PFKFB3: variants seen among roughly 807,000 people sequenced by gnomAD.
PFKFB3 encodes 6-phosphofructo-2-kinase/fructose-2,6-bisphosphatase 3.
A neutral mutation model predicts 68.0 loss-of-function variants in PFKFB3; 33 were observed. The observed-to-expected ratio is 0.49, with a 90% CI of 0.37 to 0.65. PFKFB3 has a LOEUF of 0.65. PFKFB3 is among the 30% of genes least tolerant of loss of function. The probability of loss-of-function intolerance (pLI) is 0.00; values close to 1 mark genes in which losing one functional copy is unlikely to be tolerated. For missense variants in PFKFB3, 586 were observed against 712.2 expected, an observed-to-expected ratio of 0.82 and a Z score of 2.02; for synonymous variants, 315 against 288.2, an observed-to-expected ratio of 1.09 and a Z score of -0.94.
chr10:6,319,207 A>C, the PFKFB3 span, among the ~76,000 whole-genome samples: 1 of 152,192 alleles, frequency 6.6e-6, no homozygotes, highest in Non-Finnish European at 1.5e-5. Context: ...AGATACCTGC[A>C]CTCCTATGTT....
intron 1 of PFKFB3, among the ~76,000 whole-genome samples, chr10:6,176,495 A>AC (rs1842477950): frequency 6.6e-6 from 1 of 152,056 alleles, no homozygotes; most frequent in Non-Finnish European, 1.5e-5. Flanking sequence ...GCAACCTCGA[A>AC]TCCTGGGCTC....
rs1844511448 is a variant in PFKFB3 at position 6,215,447 on chromosome 10, GGGGC to G, written c.299+131_299+134del. 3 of 704,828 alleles carry G rather than the reference GGGGC, an allele frequency of 4.3e-6. No homozygotes were observed. The African/African-American group carries it at 5.5e-5, about 13-fold the overall frequency. 43.7% of individuals were successfully genotyped at this position (704,828 alleles called of 1,614,324 possible). A position where few individuals can be genotyped will look rare whatever the true frequency, so the allele number is the denominator to read the frequency against. On this transcript the variant is annotated intron_variant, in intron 3 of 14. Transcript: ENST00000379775. This position sits in a 1 kb window ranked among gnomAD's most constrained non-coding sequence, Gnocchi z 4.3. ...GGCTGTGGGAATAAGGCTGGGCTGC[GGGGC>G]TGCGGGTGTAAGGCTGGGCTGCGGG...
chr10:6,168,584 A>G (rs1024560400), intron 1 of PFKFB3, among the ~76,000 whole-genome samples: 1 of 152,176 alleles, frequency 6.6e-6, no homozygotes, highest in Non-Finnish European at 1.5e-5. Context: ...CCCTATTACA[A>G]TCCAGAGTGC....
In PFKFB3 at chr10:6,224,137, C is replaced by T; in HGVS notation, c.1277-12C>T. ...ACAGCAGCTTCCTCTGCCCCCATCC[C>T]ACGCCCTCCAGGCTGCCGTGTGGAA... On this transcript the variant is annotated splice_polypyrimidine_tract_variant and intron_variant, in intron 12 of 14. Transcript: ENST00000379775. The T allele has an allele frequency of 6.2e-7, 1 of 1,614,174 alleles. No homozygotes were observed. Among genetic ancestry groups the T allele is most frequent in the Non-Finnish European group, 8.5e-7 (1 of 1,179,982 alleles).
the PFKFB3 span, among the ~76,000 whole-genome samples, chr10:6,283,494 C>T: frequency 6.8e-6 from 1 of 148,012 alleles, no homozygotes; most frequent in African/African-American, 2.7e-5. Context: ...AGCTGAAGAA[C>T]TTGGAGTCCA....
the PFKFB3 span, among the ~76,000 whole-genome samples, chr10:6,309,232 A>G: frequency 6.6e-6 from 1 of 152,240 alleles, no homozygotes; most frequent in Non-Finnish European, 1.5e-5. Flanking sequence ...TGATGACGGT[A>G]AGGCATTATT....
intron 1 of PFKFB3, among the ~76,000 whole-genome samples, chr10:6,179,245 C>T (rs1300383876): frequency 2.0e-5 from 3 of 152,156 alleles, no homozygotes; most frequent in Non-Finnish European, 4.4e-5. Context: ...AAGGAAGGGG[C>T]AGCTGGAATT....
intron 1 of PFKFB3, 122 bp downstream of exon 1, chr10:6,203,458 G>C (rs1479381349): frequency 2.2e-6 from 1 of 460,088 alleles, no homozygotes; most frequent in African/African-American, 2.1e-5. Context: ...CGCGCCGGCG[G>C]GGCGGGGCGG....
chr10:6,257,265 C>G (rs1210817104), downstream of PFKFB3, among the ~76,000 whole-genome samples: 1 of 152,152 alleles, frequency 6.6e-6, no homozygotes, highest in Non-Finnish European at 1.5e-5. Flanking sequence ...CCTATTGTAT[C>G]TAGGCTGTGT....
the PFKFB3 span, among the ~76,000 whole-genome samples, chr10:6,323,283 A>G: frequency 1.3e-5 from 2 of 152,262 alleles, no homozygotes; most frequent in Non-Finnish European, 1.5e-5. Flanking sequence ...CAGTGGTGAC[A>G]TTCAGTTCAA....
intron 1 of PFKFB3, among the ~76,000 whole-genome samples, chr10:6,173,821 G>A (rs1842381075): frequency 6.6e-6 from 1 of 152,026 alleles, no homozygotes; most frequent in Non-Finnish European, 1.5e-5. Context: ...AGTGGCAGTC[G>A]GGAGCCAGTG....
chr10:6,277,310 T>C, the PFKFB3 span, among the ~76,000 whole-genome samples: 1 of 152,152 alleles, frequency 6.6e-6, no homozygotes, highest in Non-Finnish European at 1.5e-5. Flanking sequence ...CTGGACTCAC[T>C]GCAACCTCCG....
Position 6,187,198 on chromosome 10 carries a change from T to TAAA in PFKFB3, c.17-26414_17-26412dup, listed in dbSNP as rs770875957. Among the ~76,000 whole-genome samples the TAAA allele has an allele frequency of 1.1e-4, 15 of 142,062 alleles. 2 individuals are homozygous for TAAA. Among genetic ancestry groups the TAAA allele is most frequent in the Middle Eastern group, 6.8e-3 (2 of 296 alleles). The allele number at this position is 142,062 out of a possible 152,430, so 93.2% of individuals were successfully genotyped here. On this transcript the variant is annotated intron_variant, in intron 1 of 14. Coordinates refer to the PFKFB3 transcript ENST00000379789. ...CAACATGGTGAATCCCTGTTTCTAC[T>TAAA]AAAAAAAAAAAAATTAGCTGGACAT...
intron 1 of PFKFB3, among the ~76,000 whole-genome samples, chr10:6,155,272 G>T (rs1389030082): frequency 7.0e-6 from 1 of 143,468 alleles, no homozygotes; most frequent in African/African-American, 2.5e-5. Context: ...GCGCGATCTC[G>T]GCTCACTGCA....
intron 1 of PFKFB3, among the ~76,000 whole-genome samples, chr10:6,169,588 G>A (rs1242550629): frequency 3.3e-5 from 5 of 152,142 alleles, no homozygotes; most frequent in African/African-American, 7.2e-5. Context: ...AACTTGCTGC[G>A]CTGATGGTGA....
At chr10:6,183,692 T>G (rs187261981) in intron 1 of PFKFB3, among the ~76,000 whole-genome samples, 1 of 145,202 alleles carries the variant, frequency 6.9e-6, no homozygotes, top group African/African-American at 2.4e-5. Context: ...ATTTTTTTTT[T>G]AATTTTTTTT....
chr10:6,231,485 T>G, intron 14 of PFKFB3: 2 of 985,336 alleles, frequency 2.0e-6, no homozygotes, highest in Non-Finnish European at 2.4e-6. Flanking sequence ...CCCCCACGTG[T>G]CCTGAGCTGG....
At chr10:6,254,391 C>T in exon 15 of PFKFB3, 1 of 398,494 alleles carries the variant, frequency 2.5e-6, no homozygotes, top group Non-Finnish European at 4.4e-6. Flanking sequence ...TGAAAGAGAC[C>T]AATTAACCTG....
intron 14 of PFKFB3, among the ~76,000 whole-genome samples, chr10:6,231,894 A>G (rs1273450274): frequency 1.3e-5 from 2 of 151,332 alleles, no homozygotes; most frequent in Non-Finnish European, 2.9e-5. Flanking sequence ...GCGGGCACCC[A>G]TCACCTCCCG....
Sources: allele counts gnomAD v4.1 joint callset (sites outside exome capture counted in the v4.1 genomes callset), GRCh38; gene constraint gnomAD v4.1.1; non-coding constraint Gnocchi (gnomAD v3.1); transcripts MANE v1.5; gene names NCBI Gene and HGNC (gene_info 2026-07-23, HGNC 2026-07-21).